The following RALGPS1 variants were observed in gnomAD, a reference collection of about 807,000 sequenced individuals.
The protein encoded by RALGPS1 is ras-specific guanine nucleotide-releasing factor RalGPS1.
A neutral mutation model predicts 78.8 loss-of-function variants in RALGPS1; 19 were observed. That is an observed-to-expected ratio of 0.24 (90% confidence interval 0.17 to 0.35). The LOEUF (loss-of-function observed/expected upper bound fraction) is 0.35, where lower values mean the gene tolerates loss of function less well. Among genes scored for constraint, RALGPS1 ranks in the 10% least tolerant of loss-of-function variants. The probability of loss-of-function intolerance (pLI) is 1.00; values close to 1 mark genes in which losing one functional copy is unlikely to be tolerated. For synonymous variants in RALGPS1, 228 were observed against 256.3 expected (o/e 0.89, Z 1.06); for missense variants, 454 against 688.3 (o/e 0.66, Z 3.81).
chr9:126,961,342 A>T (rs1204708266), intron 1 of RALGPS1, among the ~76,000 whole-genome samples: 1 of 152,152 alleles, frequency 6.6e-6, no homozygotes, highest in African/African-American at 2.4e-5. Context: ...GGGTGTAATG[A>T]TAGGACCTAC....
chr9:127,056,202 AAAC>A (rs1345497340), intron 7 of RALGPS1, among the ~76,000 whole-genome samples: 1 of 152,206 alleles, frequency 6.6e-6, no homozygotes, highest in Non-Finnish European at 1.5e-5. Context: ...GGACTCAGGG[AAAC>A]AACATGTCCC....
At chr9:127,008,277 T>C (rs764599262) in intron 4 of RALGPS1, among the ~76,000 whole-genome samples, 2 of 152,204 alleles carry the variant, frequency 1.3e-5, no homozygotes, top group Non-Finnish European at 2.9e-5. Context: ...GCTAGTACAC[T>C]TCTTACTCAA....
intron 8 of RALGPS1, among the ~76,000 whole-genome samples, chr9:127,141,164 G>A (rs1025886939): frequency 6.6e-5 from 10 of 152,134 alleles, no homozygotes; most frequent in African/African-American, 1.9e-4. Context: ...CTCCTTCTGA[G>A]ACCGATGCAA....
At position 127,219,006 on chromosome 9, in the gene RALGPS1, T is replaced by C; in HGVS notation, c.*237T>C. On this transcript the variant is annotated 3_prime_UTR_variant, in exon 19 of 19. Transcript: ENST00000259351. The surrounding 1 kb of genome is among the most constrained non-coding windows in gnomAD (Gnocchi z 5.0). ...TCTGCAGCACCGCCTCTTGGGGCAG[T>C]GGTCAGACCCCACACGCCCTCTCTG... 1.7e-6 allele frequency: 1 copy of C among 575,536 alleles called. No individual in the cohort carries two copies. Among genetic ancestry groups the C allele is most frequent in the Non-Finnish European group, 3.1e-6 (1 of 320,860 alleles). The allele number at this position is 575,536 out of a possible 1,614,324, so 35.7% of individuals were successfully genotyped here.
At chr9:127,100,656 C>T (rs1169143126) in intron 8 of RALGPS1, among the ~76,000 whole-genome samples, 1 of 152,182 alleles carries the variant, frequency 6.6e-6, no homozygotes, top group East Asian at 1.9e-4. Flanking sequence ...GTTCCACAGG[C>T]ACACTAATGA....
At chr9:127,174,251 A>AG in intron 10 of RALGPS1, among the ~76,000 whole-genome samples, 1 of 151,184 alleles carries the variant, frequency 6.6e-6, no homozygotes, top group African/African-American at 2.5e-5. Flanking sequence ...AGAGAGAGAA[A>AG]AGAAAGAAAG....
chr9:127,040,150 C>T (rs543738952), intron 5 of RALGPS1, among the ~76,000 whole-genome samples: 1 of 152,278 alleles, frequency 6.6e-6, no homozygotes, highest in South Asian at 2.1e-4. Flanking sequence ...CCTGGAATCC[C>T]AGCACTTTGG....
At chr9:127,043,005 TAAAAG>T (rs529447581) in intron 5 of RALGPS1, among the ~76,000 whole-genome samples, 44 of 152,128 alleles carry the variant, frequency 2.9e-4, no homozygotes, top group Middle Eastern at 3.4e-3. Flanking sequence ...CAAAAACTGA[TAAAAG>T]AAATCAAAGT....
intron 11 of RALGPS1, among the ~76,000 whole-genome samples, chr9:127,178,782 C>T (rs2140046596): frequency 6.6e-6 from 1 of 152,352 alleles, no homozygotes; most frequent in South Asian, 2.1e-4. Flanking sequence ...CTGTGGCCTG[C>T]AGAGCGTGAA....
intron 8 of RALGPS1, among the ~76,000 whole-genome samples, chr9:127,072,717 C>T (rs1198284470): frequency 1.3e-5 from 2 of 152,132 alleles, no homozygotes; most frequent in Non-Finnish European, 2.9e-5. Flanking sequence ...TTTTTGACAA[C>T]TTGGTCTATC....
intron 4 of RALGPS1, among the ~76,000 whole-genome samples, chr9:127,032,393 A>G (rs1589123545): frequency 6.7e-6 from 1 of 149,982 alleles, no homozygotes; most frequent in East Asian, 2.0e-4. Flanking sequence ...ACACACACAC[A>G]TGACTTCTGC....
chr9:127,051,923 C>T (rs1469961790), intron 6 of RALGPS1, among the ~76,000 whole-genome samples: 1 of 152,182 alleles, frequency 6.6e-6, no homozygotes, highest in East Asian at 1.9e-4. Flanking sequence ...GGCAACTGAG[C>T]TTGGAAATAC....
chr9:126,922,280 AT>A (rs2034845180), intron 1 of RALGPS1, among the ~76,000 whole-genome samples: 1 of 152,206 alleles, frequency 6.6e-6, no homozygotes, highest in African/African-American at 2.4e-5. Context: ...GGTTAAGTCA[AT>A]TTTTGAGTAA....
chr9:127,001,739 C>T (rs959263817), intron 4 of RALGPS1, among the ~76,000 whole-genome samples: 3 of 152,056 alleles, frequency 2.0e-5, no homozygotes, highest in African/African-American at 7.2e-5. Flanking sequence ...TAAAAATTAG[C>T]TGGGCGTGGA....
At chr9:127,134,468 T>C (rs2057256538) in intron 8 of RALGPS1, among the ~76,000 whole-genome samples, 2 of 152,138 alleles carry the variant, frequency 1.3e-5, no homozygotes, top group Admixed American at 1.3e-4. Context: ...TTTGAAAAAA[T>C]CTATCAGTAA....
chr9:126,989,944 TC>T, intron 4 of RALGPS1: 1 of 1,550,526 alleles, frequency 6.4e-7, no homozygotes, highest in Non-Finnish European at 8.7e-7. Flanking sequence ...CACAGTTTCC[TC>T]CAGGCCACAT....
At chr9:127,094,737 A>G (rs1490072990) in intron 8 of RALGPS1, among the ~76,000 whole-genome samples, 1 of 152,178 alleles carries the variant, frequency 6.6e-6, no homozygotes, top group Non-Finnish European at 1.5e-5. Context: ...GCAGGCTCAT[A>G]AACTTAAAGG....
intron 8 of RALGPS1, among the ~76,000 whole-genome samples, chr9:127,132,308 G>A (rs2057060332): frequency 6.6e-6 from 1 of 152,082 alleles, no homozygotes; most frequent in South Asian, 2.1e-4. Context: ...TTGCTTTCCT[G>A]ATACAGAAAA....
chr9:127,195,841 A>G (rs1356620907), intron 12 of RALGPS1, among the ~76,000 whole-genome samples: 1 of 134,172 alleles, frequency 7.5e-6, no homozygotes, highest in Non-Finnish European at 1.6e-5. Context: ...TTTCCTACCT[A>G]CCTACCTACC....
Sources: gnomAD v4.1 joint callset for allele counts (sites outside exome capture counted in the v4.1 genomes callset) on GRCh38, gnomAD v4.1.1 for gene constraint, Gnocchi (gnomAD v3.1) non-coding constraint, MANE v1.5 for transcripts, NCBI Gene and HGNC (gene_info 2026-07-23, HGNC 2026-07-21) for gene names.